The following PEBP4 variants were observed in gnomAD, a reference collection of about 807,000 sequenced individuals.
The protein encoded by PEBP4 is phosphatidylethanolamine-binding protein 4.
Under a neutral mutation model 23.9 loss-of-function variants are expected in PEBP4, and 22 were observed. The observed-to-expected ratio is 0.92, with a 90% confidence interval of 0.66 to 1.31. The LOEUF (loss-of-function observed/expected upper bound fraction) is 1.31. Ranked by LOEUF, PEBP4 falls within the 40% of genes most tolerant of loss-of-function variation. The pLI, the probability that PEBP4 is intolerant of heterozygous loss-of-function variation, is 0.00. For missense variants in PEBP4, 324 were observed against 281.7 expected (o/e 1.15, Z -1.07); for synonymous variants, 112 against 99.3 (o/e 1.13, Z -0.76).
intron 3 of PEBP4, among the ~76,000 whole-genome samples, chr8:22,911,458 T>C (rs1808937577): frequency 6.6e-6 from 1 of 152,158 alleles, no homozygotes; most frequent in South Asian, 2.1e-4. Flanking sequence ...ACAGCAGAGC[T>C]GGGAGCTCCA....
chr8:22,850,980 T>A (rs996959484), intron 3 of PEBP4, among the ~76,000 whole-genome samples: 1 of 152,192 alleles, frequency 6.6e-6, no homozygotes, highest in African/African-American at 2.4e-5. Context: ...ATCTTGGGCA[T>A]CCAACAGTTC....
intron 3 of PEBP4, among the ~76,000 whole-genome samples, chr8:22,862,672 A>G (rs1178484433): frequency 1.3e-5 from 2 of 152,174 alleles, no homozygotes; most frequent in Non-Finnish European, 2.9e-5. Flanking sequence ...TATATATTCA[A>G]TCTATAGGTG....
chr8:22,836,493 G>A (rs760053018), intron 3 of PEBP4, among the ~76,000 whole-genome samples: 1 of 152,160 alleles, frequency 6.6e-6, no homozygotes, highest in Non-Finnish European at 1.5e-5. Flanking sequence ...AACATGTTCC[G>A]GCATCTCCGA....
At chr8:22,869,823 A>G (rs1277512872) in intron 3 of PEBP4, among the ~76,000 whole-genome samples, 1 of 152,242 alleles carries the variant, frequency 6.6e-6, no homozygotes, top group Admixed American at 6.5e-5. Context: ...ATGATATGTC[A>G]CTAGTGAATT....
intron 3 of PEBP4, among the ~76,000 whole-genome samples, chr8:22,901,826 G>A (rs1344891374): frequency 6.6e-6 from 1 of 152,098 alleles, no homozygotes; most frequent in African/African-American, 2.4e-5. Context: ...TTTAACAAAG[G>A]TTAAATCATG....
chr8:22,794,522 T>A (rs1050893982), intron 4 of PEBP4, among the ~76,000 whole-genome samples: 2 of 152,210 alleles, frequency 1.3e-5, no homozygotes, highest in Admixed American at 1.3e-4. Context: ...TGGCCTCAAG[T>A]AATATGCCCG....
At chr8:22,931,945 A>G (rs1809463509), upstream of PEBP4, among the ~76,000 whole-genome samples, 1 of 152,050 alleles carries the variant, frequency 6.6e-6, no homozygotes, top group African/African-American at 2.4e-5. Flanking sequence ...AACATCTTCA[A>G]TTTCTTCGCC....
chr8:22,732,030 T>A (rs1437678579), intron 4 of PEBP4, among the ~76,000 whole-genome samples: 1 of 152,010 alleles, frequency 6.6e-6, no homozygotes, highest in East Asian at 1.9e-4. Context: ...ACAGACAACA[T>A]AGATGTAGTT....
At chr8:22,827,976 G>A (rs1386667058) in intron 3 of PEBP4, among the ~76,000 whole-genome samples, 1 of 152,186 alleles carries the variant, frequency 6.6e-6, no homozygotes, top group Non-Finnish European at 1.5e-5. Flanking sequence ...GACTAGTGAT[G>A]TTGAGTTCCT....
intron 3 of PEBP4, among the ~76,000 whole-genome samples, chr8:22,857,836 GAGA>G (rs1349106241): frequency 2.6e-5 from 4 of 152,192 alleles, no homozygotes; most frequent in Admixed American, 2.6e-4. Flanking sequence ...GTGAGCCATG[GAGA>G]AGAACAGGGG....
In PEBP4 at chr8:22,865,360, G is replaced by A. The variant is rs1025260991; in HGVS notation, c.259-47625C>T. Among the ~76,000 whole-genome samples, 2 of 27,390 alleles carry A rather than the reference G, an allele frequency of 7.3e-5. No homozygotes were observed. Among genetic ancestry groups the A allele is most frequent in the African/African-American group, 1.6e-4 (2 of 12,328 alleles). The allele number at this position is 27,390 out of a possible 152,430, so 18.0% of individuals were successfully genotyped here. A position where few individuals can be genotyped will look rare whatever the true frequency, so the allele number is the denominator to read the frequency against. ...CGTCTCCCGCTGCCCACCCACGGGC[G>A]GTGACGGTGGCGGTGGCGGTGGCGG... On this transcript the variant is annotated intron_variant, in intron 3 of 6. Coordinates refer to ENST00000256404, the MANE Select transcript of PEBP4 (RefSeq NM_144962.3). This position sits in a 1 kb window ranked among gnomAD's most constrained non-coding sequence, Gnocchi z 6.9.
At chr8:22,843,746 GC>G (rs1807371729) in intron 3 of PEBP4, among the ~76,000 whole-genome samples, 1 of 152,186 alleles carries the variant, frequency 6.6e-6, no homozygotes, top group South Asian at 2.1e-4. Context: ...AATGACTTAA[GC>G]TTATGACAAG....
intron 4 of PEBP4, among the ~76,000 whole-genome samples, chr8:22,768,714 G>A (rs946544872): frequency 1.3e-5 from 2 of 152,066 alleles, no homozygotes; most frequent in Non-Finnish European, 2.9e-5. Flanking sequence ...GTAGGGGGTG[G>A]GTCAGGGCAG....
chr8:22,742,314 C>T (rs531637201), intron 4 of PEBP4, among the ~76,000 whole-genome samples: 10 of 152,338 alleles, frequency 6.6e-5, no homozygotes, highest in South Asian at 2.1e-4. Flanking sequence ...GGTCTGGCTA[C>T]GCTCCATTCA....
At chr8:22,786,045 A>G (rs1806020532) in intron 4 of PEBP4, among the ~76,000 whole-genome samples, 2 of 152,204 alleles carry the variant, frequency 1.3e-5, no homozygotes, top group South Asian at 2.1e-4. Flanking sequence ...ATGTTTAGAA[A>G]GTGCCCAGCA....
chr8:22,723,388 T>A (rs1410479986), intron 6 of PEBP4, among the ~76,000 whole-genome samples: 2 of 152,050 alleles, frequency 1.3e-5, no homozygotes, highest in Non-Finnish European at 2.9e-5. Flanking sequence ...TGTCTGTCCC[T>A]CCTCATGGCA....
chr8:22,770,132 C>G (rs1314585566), intron 4 of PEBP4, among the ~76,000 whole-genome samples: 2 of 152,208 alleles, frequency 1.3e-5, no homozygotes, highest in Admixed American at 1.3e-4. Context: ...GGGTGGAAGC[C>G]CACAGGGTAC....
At chr8:22,727,247 A>G in intron 4 of PEBP4, 27 bp from the exon 5 acceptor site, 1 of 1,611,798 alleles carries the variant, frequency 6.2e-7, no homozygotes, top group South Asian at 1.1e-5. Flanking sequence ...GCAGGGCTGT[A>G]GGTTATGTCT....
chr8:22,749,526 C>T (rs923997895), intron 4 of PEBP4, among the ~76,000 whole-genome samples: 18 of 152,218 alleles, frequency 1.2e-4, no homozygotes, highest in African/African-American at 4.3e-4. Context: ...CCAAACACAG[C>T]CTGTGGATCA....
Sources: gnomAD v4.1 joint callset for allele counts (sites outside exome capture counted in the v4.1 genomes callset) on GRCh38, gnomAD v4.1.1 for gene constraint, Gnocchi (gnomAD v3.1) non-coding constraint, MANE v1.5 for transcripts, NCBI Gene and HGNC (gene_info 2026-07-23, HGNC 2026-07-21) for gene names.